The following FOXN4 variants were observed in gnomAD, a reference collection of about 807,000 sequenced individuals.
FOXN4 encodes forkhead box protein N4.
FOXN4 carries 12 observed loss-of-function variants against 45.0 expected under a neutral mutation model. That is an observed-to-expected ratio of 0.27 (90% CI 0.17 to 0.43). The LOEUF (loss-of-function observed/expected upper bound fraction) is 0.43. FOXN4 is among the 20% of genes least tolerant of loss of function. The pLI is 1.00. For missense variants in FOXN4, 560 were observed against 694.9 expected, an observed-to-expected ratio of 0.81 and a Z score of 2.18; for synonymous variants, 297 against 295.0, an observed-to-expected ratio of 1.01 and a Z score of -0.07.
In FOXN4 at chr12:109,281,733, G is replaced by C; in HGVS notation, c.968C>G (p.Pro323Arg). 9.3e-6 allele frequency: 15 copies of C among 1,607,598 alleles called. No homozygotes were observed. Among genetic ancestry groups the C allele is most frequent in the Non-Finnish European group, 1.3e-5 (15 of 1,177,010 alleles). ...SCRRPGKPGE[P>R]EAPVLTHATT... ...GGCGTGAGTCAGCACGGGGGCCTCT[G>C]GTTCCCCCGGTTTGCCGGGGCGCCG... Residue 323 changes from proline (P) to arginine (R), a missense_variant, in exon 9 of 10, where the codon CCA (proline) becomes CGA (arginine). Coordinates refer to ENST00000299162, the MANE Select transcript of FOXN4 (RefSeq NM_213596.3).
rs767524665 is a variant in FOXN4 at position 109,281,523 on chromosome 12, C to T, written c.1178G>A (p.Ser393Asn). 6 of 1,613,610 alleles carry T rather than the reference C, an allele frequency of 3.7e-6. No homozygotes were observed. The highest frequency in any genetic ancestry group is 1.3e-5 in the African/African-American group (1 of 74,892). Residue 393 changes from serine to asparagine, a missense_variant, in exon 9 of 10, where the codon AGC (serine) becomes AAC (asparagine). Ser to Asn is a conservative substitution (Grantham distance 46). This residue lies in a region of FOXN4 where 315 missense variants were observed against 350.5 expected (regional missense o/e 0.90). Transcript: ENST00000299162. ...PLHALPDLSP[S>N]PLPHPAMGRA... ...TCCCATGGCGGGGTGGGGGAGCGGG[C>T]TGGGGCTGAGGTCCGGCAGGGCGTG... is the stretch of plus-strand genomic sequence containing the variant.
chr12:109,285,582 A>G (rs986456846), intron 7 of FOXN4, 71 bp from the exon 8 acceptor site: 51 of 1,535,498 alleles, frequency 3.3e-5, no homozygotes, highest in Non-Finnish European at 4.1e-5. Context: ...TCTCCTACTC[A>G]GGCCTATAGG....
Position 109,286,649 on chromosome 12 carries a change from T to G in FOXN4, c.692A>C (p.Lys231Thr), listed in dbSNP as rs766234647. The G allele has an allele frequency of 6.2e-7, 1 of 1,607,810 alleles. No homozygotes were observed. The highest frequency in any genetic ancestry group is 1.7e-5 in the Admixed American group (1 of 59,260). The change falls in exon 7 of 10, where the codon AAG (lysine) becomes ACG (threonine). Residue 231 changes from lysine (K) to threonine (T), a missense_variant and splice_region_variant. By Grantham distance (78) the Lys-to-Thr change is moderately conservative (BLOSUM62 -1). Coordinates refer to ENST00000299162, the MANE Select transcript of FOXN4 (RefSeq NM_213596.3). ...CCCCTACCCTAGCTTGGGACTCACC[T>G]TGAAGTAGGGGAAGTGCTCCTTCAT... ...SFMKEHFPYF[K>T]TAPDGWKNSV...
chr12:109,305,057 G>A (rs185379014), intron 2 of FOXN4, among the ~76,000 whole-genome samples: 64 of 152,322 alleles, frequency 4.2e-4, no homozygotes, highest in African/African-American at 1.4e-3. Context: ...TGATGCAGCA[G>A]CTTATTCTGT....
chr12:109,290,736 C>T lies in FOXN4; in HGVS notation c.87-450G>A, dbSNP rs1490880819. 2.0e-5 allele frequency among the ~76,000 whole-genome samples: 3 copies of T among 152,206 alleles called. No individual in the cohort carries two copies. The highest frequency in any genetic ancestry group is 4.4e-5 in the Non-Finnish European group (3 of 68,034). ...GGCCTGTGGTCAGGGTCCCACCTGC[C>T]ATGACAAGATCAGTCACCTGACTCC... On this transcript the variant is annotated intron_variant, in intron 2 of 9. Coordinates refer to ENST00000299162, the MANE Select transcript of FOXN4 (RefSeq NM_213596.3). This position sits in a 1 kb window ranked among gnomAD's most constrained non-coding sequence, Gnocchi z 5.1.
intron 2 of FOXN4, among the ~76,000 whole-genome samples, chr12:109,304,593 C>T (rs992750142): frequency 3.3e-5 from 5 of 152,176 alleles, no homozygotes; most frequent in African/African-American, 7.2e-5. Context: ...GTCTAGGCCC[C>T]GCCACTGACT....
chr12:109,282,542 C>T (rs2047662659), intron 8 of FOXN4, among the ~76,000 whole-genome samples: 1 of 152,112 alleles, frequency 6.6e-6, no homozygotes, highest in Non-Finnish European at 1.5e-5. Context: ...TAGGGCTTCA[C>T]TTAAATCTCA....
intron 2 of FOXN4, among the ~76,000 whole-genome samples, chr12:109,304,082 T>A (rs1335492308): frequency 6.7e-6 from 1 of 150,064 alleles, no homozygotes; most frequent in Non-Finnish European, 1.5e-5. Flanking sequence ...TCCCAGCTAC[T>A]CAGGAGGCTG....
Position 109,287,313 on chromosome 12 carries a change from G to A in FOXN4, c.596+84C>T. The stretch of plus-strand genomic sequence containing the variant: ...CTTGGAAGTCTGGGCTGCCACACTA[G>A]CTGTCTGAGATGCCCTGAGGGCAGC... On this transcript the variant is annotated intron_variant, in intron 6 of 9. Transcript: ENST00000299162. This position sits in a 1 kb window ranked among gnomAD's most constrained non-coding sequence, Gnocchi z 4.1. 10 of 1,511,140 alleles carry A rather than the reference G, an allele frequency of 6.6e-6. No homozygotes were observed. The highest frequency in any genetic ancestry group is 8.9e-6 in the Non-Finnish European group (10 of 1,118,346). The allele number at this position is 1,511,140 out of a possible 1,614,324, so 93.6% of individuals were successfully genotyped here.
Position 109,287,402 on chromosome 12 carries a change from C to A in FOXN4, c.591G>T (p.Ser197=), listed in dbSNP as rs759772408. Reference sequence around the variant, plus strand: ...CGGCCCACCCTGGACCTCACCTGTACGAGTAGATGGGCTTGGGGTAGTGTT... The same window carrying A: ...CGGCCCACCCTGGACCTCACCTGTAAGAGTAGATGGGCTTGGGGTAGTGTT... The part of the protein sequence containing the change: ...HPKHYPKPIY[S]YSCLIAMALK... Residue 197 remains serine (S), a synonymous_variant, in exon 6 of 10, where the codon TCG becomes TCT. Transcript: ENST00000299162. The surrounding 1 kb of genome is among the most constrained non-coding windows in gnomAD (Gnocchi z 4.1). 1 of 1,551,464 alleles carries A rather than the reference C, an allele frequency of 6.4e-7. No individual in the cohort carries two copies.
chr12:109,279,329 A>C lies in FOXN4; in HGVS notation c.*342T>G. The C allele has an allele frequency of 1.1e-5, 4 of 355,516 alleles. No homozygotes were observed. Among genetic ancestry groups the C allele is most frequent in the East Asian group, 5.7e-5 (1 of 17,490 alleles). 22.0% of individuals were successfully genotyped at this position (355,516 alleles called of 1,614,324 possible). A position where few individuals can be genotyped will look rare whatever the true frequency, so the allele number is the denominator to read the frequency against. On this transcript the variant is annotated 3_prime_UTR_variant, in exon 10 of 10. Coordinates refer to ENST00000299162, the MANE Select transcript of FOXN4 (RefSeq NM_213596.3). ...TGCAGGTCACTGAGGTCACGCAGCC[A>C]GGATCCAGGATGGAGAAGTCTCACT...
At chr12:109,296,400 T>C (rs2047817541) in intron 2 of FOXN4, among the ~76,000 whole-genome samples, 1 of 152,208 alleles carries the variant, frequency 6.6e-6, no homozygotes, top group Non-Finnish European at 1.5e-5. Context: ...TTCCTCTGTG[T>C]CTCTGCGCCT....
At chr12:109,304,288 A>AAAGG (rs1720119694) in intron 2 of FOXN4, among the ~76,000 whole-genome samples, 6 of 50,722 alleles carry the variant, frequency 1.2e-4, no homozygotes, top group African/African-American at 3.6e-4. Context: ...AGAAAGAAAG[A>AAAGG]AAGAAAGGAG....
chr12:109,295,612 C>T (rs2047809526), intron 2 of FOXN4, among the ~76,000 whole-genome samples: 2 of 152,216 alleles, frequency 1.3e-5, no homozygotes, highest in South Asian at 2.1e-4. Context: ...ATGGCGAAAC[C>T]CTGTCTCTAC....
intron 2 of FOXN4, among the ~76,000 whole-genome samples, chr12:109,293,363 C>A (rs2047787146): frequency 6.6e-6 from 1 of 152,142 alleles, no homozygotes; most frequent in South Asian, 2.1e-4. Context: ...CACTCTGCAC[C>A]CTGACTGCTC....
At chr12:109,280,815 C>T (rs1268042146) in intron 9 of FOXN4, among the ~76,000 whole-genome samples, 1 of 152,172 alleles carries the variant, frequency 6.6e-6, no homozygotes, top group African/African-American at 2.4e-5. Flanking sequence ...TTCCCTTGTT[C>T]GTTCATTCAT....
intron 2 of FOXN4, among the ~76,000 whole-genome samples, chr12:109,300,989 G>A (rs962244170): frequency 6.6e-6 from 1 of 152,178 alleles, no homozygotes; most frequent in African/African-American, 2.4e-5. Flanking sequence ...ACTTGTCAGG[G>A]GACCCTGTGG....
At chr12:109,307,871 G>T (rs368482185) in intron 2 of FOXN4, among the ~76,000 whole-genome samples, 1 of 151,288 alleles carries the variant, frequency 6.6e-6, no homozygotes, top group Non-Finnish European at 1.5e-5. Context: ...CTCCCAGAAG[G>T]TTTTTTTTTG....
At chr12:109,308,393 T>C (rs892418831) in intron 1 of FOXN4, 69 bp from the exon 2 acceptor site, 1 of 1,058,298 alleles carries the variant, frequency 9.4e-7, no homozygotes, top group Admixed American at 2.7e-5. Flanking sequence ...AAACCCACAG[T>C]TTTCCCGCAA....
Sources: gnomAD v4.1 joint callset for allele counts (sites outside exome capture counted in the v4.1 genomes callset) on GRCh38, gnomAD v4.1.1 for gene constraint, gnomAD v4.1.1 regional missense constraint, Gnocchi (gnomAD v3.1) non-coding constraint, MANE v1.5 for transcripts, NCBI Gene and HGNC (gene_info 2026-07-23, HGNC 2026-07-21) for gene names.